Variants in VAV2 observed in about 807,000 individuals in gnomAD.
VAV2 encodes guanine nucleotide exchange factor VAV2.
Under a neutral mutation model 132.5 loss-of-function variants are expected in VAV2, and 67 were observed. The observed-to-expected ratio is 0.51, with a 90% CI of 0.42 to 0.62. The LOEUF (loss-of-function observed/expected upper bound fraction) is 0.62, where lower values mean the gene tolerates loss of function less well. Ranked by LOEUF, VAV2 falls within the 20% of genes least tolerant of loss-of-function variation. The pLI is 0.00. For missense variants in VAV2, 938 were observed against 1,153.6 expected, an observed-to-expected ratio of 0.81 and a Z score of 2.71; for synonymous variants, 492 against 443.5, an observed-to-expected ratio of 1.11 and a Z score of -1.37.
chr9:133,887,016 C>T (rs1588314990), intron 2 of VAV2, among the ~76,000 whole-genome samples: 2 of 152,130 alleles, frequency 1.3e-5, no homozygotes, highest in African/African-American at 4.8e-5. Context: ...CCCCTCCCCA[C>T]CCCGGGCCCT....
chr9:133,927,277 G>A (rs936797642), intron 2 of VAV2, among the ~76,000 whole-genome samples: 4 of 152,136 alleles, frequency 2.6e-5, no homozygotes, highest in Non-Finnish European at 4.4e-5. Flanking sequence ...CTAATCAATG[G>A]CTGAGCCTCG....
In VAV2 at chr9:133,809,190, C is replaced by T. The variant is rs56145512; in HGVS notation, c.568-52G>A. The T allele has an allele frequency of 5.2e-3, 7,782 of 1,508,378 alleles. 38 individuals carry two copies. The highest frequency in any genetic ancestry group is 6.4e-3 in the Non-Finnish European group (6,948 of 1,086,328). The allele number at this position is 1,508,378 out of a possible 1,614,324, so 93.4% of individuals were successfully genotyped here. ...GGACCCCATGGGCCCGGCCACCTGC[C>T]ACCTGCACATCTGCACCGCGACACC... On this transcript the variant is annotated intron_variant, in intron 6 of 29. Transcript: ENST00000371850.
intron 2 of VAV2, among the ~76,000 whole-genome samples, chr9:133,933,765 G>C (rs1402224743): frequency 7.0e-6 from 1 of 142,588 alleles, no homozygotes. Context: ...TGAATGGATG[G>C]GTGGATGGGT....
chr9:133,881,923 C>T (rs1277667792), intron 2 of VAV2, among the ~76,000 whole-genome samples: 2 of 152,160 alleles, frequency 1.3e-5, no homozygotes, highest in Non-Finnish European at 2.9e-5. Context: ...GGGCGCCTGG[C>T]ACAGGATCCC....
intron 3 of VAV2, among the ~76,000 whole-genome samples, chr9:133,837,895 T>C (rs922940485): frequency 6.6e-6 from 1 of 152,010 alleles, no homozygotes; most frequent in Admixed American, 6.5e-5. Context: ...GCCCGTAAAA[T>C]CTTTACTACT....
rs563549323 is a variant in VAV2 at position 133,980,540 on chromosome 9, A to C, written c.204+11535T>G. On this transcript the variant is annotated intron_variant, in intron 1 of 29. Coordinates refer to ENST00000371850, the MANE Select transcript of VAV2 (RefSeq NM_001134398.2). Reference sequence around the variant, plus strand: ...ACACCGCAGAGGCTGATCATCACCCAGCTGCCCGACCAGCCATGGGGCATG... The same window carrying C: ...ACACCGCAGAGGCTGATCATCACCCCGCTGCCCGACCAGCCATGGGGCATG... Among the ~76,000 whole-genome samples the C allele has an allele frequency of 7.2e-5, 11 of 152,320 alleles. No individual in the cohort carries two copies. In the South Asian group the frequency reaches 2.3e-3, roughly 32 times the overall value.
In VAV2 at chr9:133,952,929, TGGCCCCCG is replaced by T. The variant is rs1564495012; in HGVS notation, c.205-13718_205-13711del. 2.4e-3 allele frequency among the ~76,000 whole-genome samples: 278 copies of T among 116,370 alleles called. 24 individuals carry two copies. Among genetic ancestry groups the T allele is most frequent in the Middle Eastern group, 0.012 (2 of 170 alleles). The allele number at this position is 116,370 out of a possible 152,430, so 76.3% of individuals were successfully genotyped here. ...TGACACCTAGAACCTGGAGGGAGCA[TGGCCCCCG>T]GGACACCTAGAACCTGGAGGGAGCA... On this transcript the variant is annotated intron_variant, in intron 1 of 29. Transcript: ENST00000371850.
intron 1 of VAV2, among the ~76,000 whole-genome samples, chr9:133,946,180 C>T (rs371755783): frequency 1.3e-5 from 2 of 152,198 alleles, no homozygotes; most frequent in Non-Finnish European, 2.9e-5. Flanking sequence ...GCTGTTAGCC[C>T]GCCACCCCGC....
At chr9:133,854,573 G>T (rs1453983550) in intron 3 of VAV2, among the ~76,000 whole-genome samples, 1 of 152,238 alleles carries the variant, frequency 6.6e-6, no homozygotes, top group Non-Finnish European at 1.5e-5. Context: ...GTGCCAGACT[G>T]ATGGAGCAAG....
intron 2 of VAV2, among the ~76,000 whole-genome samples, chr9:133,929,147 T>C (rs188868852): frequency 1.3e-3 from 197 of 152,310 alleles, no homozygotes; most frequent in Non-Finnish European, 1.9e-3. Context: ...TGGGTCCTGA[T>C]GACGGCCTGA....
rs1283174399 is a variant in VAV2, at chr9:133,935,623, C to G, written c.321+3480G>C. ...TTCCAGAACACCTGTCCCGGAGAAG[C>G]CAGGAGGCGCTGGCAGAGCAGAACC... On this transcript the variant is annotated intron_variant, in intron 2 of 29. Transcript: ENST00000371850. The surrounding 1 kb of genome is among the most constrained non-coding windows in gnomAD (Gnocchi z 5.2). 6.6e-6 allele frequency among the ~76,000 whole-genome samples: 1 copy of G among 152,366 alleles called. No individual in the cohort carries two copies. Among genetic ancestry groups the G allele is most frequent in the Non-Finnish European group, 1.5e-5 (1 of 68,040 alleles).
chr9:133,930,404 G>C (rs371329680), intron 2 of VAV2, among the ~76,000 whole-genome samples: 6 of 15,618 alleles, frequency 3.8e-4, no homozygotes, highest in African/African-American at 4.7e-4. Flanking sequence ...CTCCACACTG[G>C]CTCCTAGCAT....
chr9:133,848,059 C>T (rs1479647665), intron 3 of VAV2, among the ~76,000 whole-genome samples: 3 of 152,030 alleles, frequency 2.0e-5, no homozygotes, highest in Non-Finnish European at 4.4e-5. Context: ...GGGCGGATCA[C>T]GAGGTCAGGA....
At chr9:133,933,936 G>GGGTGA (rs1840800133) in intron 2 of VAV2, among the ~76,000 whole-genome samples, 2 of 74,630 alleles carry the variant, frequency 2.7e-5, no homozygotes, top group Non-Finnish European at 6.6e-5. Context: ...TGAATGGATG[G>GGGTGA]ATGGATGGAT....
intron 4 of VAV2, among the ~76,000 whole-genome samples, chr9:133,815,413 A>G (rs982243005): frequency 5.9e-5 from 9 of 151,958 alleles, no homozygotes; most frequent in Non-Finnish European, 1.3e-4. Context: ...GCCCTCCCAC[A>G]CCATAGAGTA....
Position 133,834,510 on chromosome 9 carries a change from A to G in VAV2, c.381-170T>C, listed in dbSNP as rs920056206. Reference sequence around the variant, plus strand: ...CGCGGACACTGATCGGAGTCACAGGACGAGCCAACTGGGCCATAGGGCAAG... The same window carrying G: ...CGCGGACACTGATCGGAGTCACAGGGCGAGCCAACTGGGCCATAGGGCAAG... On this transcript the variant is annotated intron_variant, in intron 3 of 29. Coordinates refer to ENST00000371850, the MANE Select transcript of VAV2 (RefSeq NM_001134398.2). This position sits in a 1 kb window ranked among gnomAD's most constrained non-coding sequence, Gnocchi z 5.9. Among the ~76,000 whole-genome samples the G allele has an allele frequency of 1.3e-5, 2 of 152,328 alleles. No homozygotes were observed. Among genetic ancestry groups the G allele is most frequent in the East Asian group, 1.9e-4 (1 of 5,174 alleles).
Position 133,833,759 on chromosome 9 carries a change from G to A in VAV2, c.449+513C>T, listed in dbSNP as rs1017349817. On this transcript the variant is annotated intron_variant, in intron 4 of 29. Transcript: ENST00000371850. The surrounding 1 kb of genome is among the most constrained non-coding windows in gnomAD (Gnocchi z 5.6). ...GGCCTCTCAGAGAGAGGAATGAGGT[G>A]GACACGGAGAAGAGCAGAGGCGGGT... Among the ~76,000 whole-genome samples the A allele has an allele frequency of 6.6e-5, 10 of 152,150 alleles. No homozygotes were observed. The highest frequency in any genetic ancestry group is 2.4e-4 in the African/African-American group (10 of 41,458).
chr9:133,841,682 T>C (rs913436290), intron 3 of VAV2, among the ~76,000 whole-genome samples: 2 of 152,154 alleles, frequency 1.3e-5, no homozygotes, highest in African/African-American at 4.8e-5. Flanking sequence ...GGAGACCTTG[T>C]GGGGAGAGCT....
rs908046707 is a variant in VAV2, at chr9:133,884,528, G to A, written c.322-23096C>T. 3.3e-5 allele frequency among the ~76,000 whole-genome samples: 5 copies of A among 151,406 alleles called. No homozygotes were observed. Among genetic ancestry groups the A allele is most frequent in the Non-Finnish European group, 7.4e-5 (5 of 67,928 alleles). On this transcript the variant is annotated intron_variant, in intron 2 of 29. Transcript: ENST00000371850. The surrounding 1 kb of genome is among the most constrained non-coding windows in gnomAD (Gnocchi z 5.3). The stretch of plus-strand genomic sequence containing the variant: ...ACTCAACAGATGCTGGCCCACCCAG[G>A]CCAGCCTCTCCACCCAGGCCAGCCT...
Sources: allele counts gnomAD v4.1 joint callset (sites outside exome capture counted in the v4.1 genomes callset), GRCh38; gene constraint gnomAD v4.1.1; non-coding constraint Gnocchi (gnomAD v3.1); transcripts MANE v1.5; gene names NCBI Gene and HGNC (gene_info 2026-07-23, HGNC 2026-07-21).